The following TJP2 variants were observed in gnomAD, a reference collection of about 807,000 sequenced individuals.
TJP2 encodes Friedreich ataxia region gene X104 (tight junction protein ZO-2).
A neutral mutation model predicts 133.1 loss-of-function variants in TJP2; 91 were observed. The ratio of observed to expected loss-of-function variants is 0.68; its 90% CI spans 0.58 to 0.81. TJP2 has a LOEUF of 0.81. Among genes scored for constraint, TJP2 ranks in the 40% least tolerant of loss-of-function variants. TJP2 has a pLI of 0.00. For synonymous variants in TJP2, 592 were observed against 583.4 expected (o/e 1.01, Z -0.21); for missense variants, 1,541 against 1,565.6 (o/e 0.98, Z 0.26).
chr9:69,214,590 C>T (rs1275178471), intron 2 of TJP2, among the ~76,000 whole-genome samples: 1 of 152,046 alleles, frequency 6.6e-6, no homozygotes, highest in Non-Finnish European at 1.5e-5. Flanking sequence ...AGTTACGGGC[C>T]GGGCGCAGTA....
intron 1 of TJP2, chr9:69,145,555 C>T (rs896412403): frequency 1.4e-5 from 6 of 414,312 alleles, no homozygotes; most frequent in Non-Finnish European, 2.1e-5. Context: ...TGTGGTCTGC[C>T]CCCCCATCAC....
chr9:69,253,208 C>A (rs148159959), intron 22 of TJP2: 6 of 399,580 alleles, frequency 1.5e-5, no homozygotes, highest in Non-Finnish European at 2.8e-5. Flanking sequence ...AGAATTCCTA[C>A]GGCTTAGACC....
intron 1 of TJP2, among the ~76,000 whole-genome samples, chr9:69,143,490 C>A (rs887086344): frequency 1.3e-5 from 2 of 152,126 alleles, no homozygotes; most frequent in Non-Finnish European, 2.9e-5. Flanking sequence ...TGTATGGGAC[C>A]TTTACTCAGA....
intron 11 of TJP2, among the ~76,000 whole-genome samples, 200 bp from the exon 12 acceptor site, chr9:69,234,239 T>C (rs1296076049): frequency 6.6e-6 from 1 of 152,072 alleles, no homozygotes; most frequent in Non-Finnish European, 1.5e-5. Flanking sequence ...TGCAGGCCCA[T>C]AGCAAGGTGC....
intron 1 of TJP2, among the ~76,000 whole-genome samples, chr9:69,189,547 G>C (rs1255671397): frequency 2.0e-5 from 3 of 151,906 alleles, no homozygotes; most frequent in Non-Finnish European, 4.4e-5. Context: ...TTGAGCCCAG[G>C]AGTTGGAGGC....
At chr9:69,174,470 T>TCGTGAA in intron 1 of TJP2, 38 bp downstream of exon 1, 4 of 1,515,562 alleles carry the variant, frequency 2.6e-6, no homozygotes, top group Non-Finnish European at 3.6e-6. Flanking sequence ...GGGAGGAGGG[T>TCGTGAA]CGTGAGCGTG....
intron 1 of TJP2, among the ~76,000 whole-genome samples, chr9:69,138,808 T>C (rs1440576022): frequency 5.3e-5 from 8 of 152,092 alleles, no homozygotes; most frequent in Non-Finnish European, 1.0e-4. Flanking sequence ...TCCCAGCTAC[T>C]TGGGAGACTG....
intron 11 of TJP2, among the ~76,000 whole-genome samples, chr9:69,231,444 G>T (rs1012532816): frequency 3.3e-5 from 5 of 149,806 alleles, no homozygotes; most frequent in African/African-American, 1.2e-4. Context: ...CAAACTTGCA[G>T]TTCATATATA....
At chr9:69,224,252 A>G (rs1481272103) in intron 5 of TJP2, among the ~76,000 whole-genome samples, 1 of 152,190 alleles carries the variant, frequency 6.6e-6, no homozygotes, top group Non-Finnish European at 1.5e-5. Flanking sequence ...ATTCCTTTCA[A>G]TGCCAAGCTT....
At chr9:69,181,668 A>G (rs753015051) in intron 1 of TJP2, among the ~76,000 whole-genome samples, 3 of 151,962 alleles carry the variant, frequency 2.0e-5, no homozygotes, top group Non-Finnish European at 2.9e-5. Context: ...ATTCTAAATT[A>G]TTTCCATTGG....
intron 1 of TJP2, among the ~76,000 whole-genome samples, chr9:69,130,015 CAAAAAAAAAAAAAAAAAG>C: frequency 1.1e-5 from 1 of 94,176 alleles, no homozygotes; most frequent in Admixed American, 1.1e-4. Flanking sequence ...AACTCTGCCT[CAAAAAAAAAAAAAAAAAG>C]AAAAAGAAAA....
chr9:69,148,552 T>C lies in TJP2; in HGVS notation c.-130-3099T>C, dbSNP rs760679843. On this transcript the variant is annotated intron_variant, in intron 1 of 5. Transcript: ENST00000423935. The stretch of plus-strand genomic sequence containing the variant: ...TGCCTAGCTATTTTTGTATTCTCAG[T>C]AGAGATGCAGTTTTACCATGTTGGC... 2.0e-5 allele frequency among the ~76,000 whole-genome samples: 3 copies of C among 151,750 alleles called. 1 individual carries two copies. Among genetic ancestry groups the C allele is most frequent in the Non-Finnish European group, 4.4e-5 (3 of 67,966 alleles).
intron 22 of TJP2, 118 bp from the exon 23 acceptor site, chr9:69,254,091 C>A: frequency 8.3e-7 from 1 of 1,198,604 alleles, no homozygotes; most frequent in Non-Finnish European, 1.2e-6. Context: ...CAGAATGTGG[C>A]TCAGAGGTAA....
chr9:69,130,015 C>CAAAAAA (rs11355311), intron 1 of TJP2, among the ~76,000 whole-genome samples: 5 of 94,162 alleles, frequency 5.3e-5, no homozygotes, highest in Admixed American at 1.1e-4. Context: ...AACTCTGCCT[C>CAAAAAA]AAAAAAAAAA....
In TJP2 at chr9:69,179,765, C is replaced by G. The variant is rs111852722; in HGVS notation, c.60+5333C>G. ...CCACCCGCCTCGGCCTCCCAAAGTG[C>G]TGGGATTAGAGGTGTGAGCCACCGC... On this transcript the variant is annotated intron_variant, in intron 1 of 22. Transcript: ENST00000377245. 2.9e-3 allele frequency among the ~76,000 whole-genome samples: 434 copies of G among 152,260 alleles called. 5 individuals are homozygous for G. Among genetic ancestry groups the G allele is most frequent in the African/African-American group, 0.01 (426 of 41,548 alleles).
At chr9:69,154,261 C>A (rs1378397475) in intron 2 of TJP2, among the ~76,000 whole-genome samples, 1 of 152,108 alleles carries the variant, frequency 6.6e-6, no homozygotes, top group African/African-American at 2.4e-5. Flanking sequence ...AGGTGGCTGC[C>A]TGGAGTTAAG....
intron 1 of TJP2, among the ~76,000 whole-genome samples, chr9:69,194,404 A>G (rs1462108618): frequency 1.3e-5 from 2 of 152,232 alleles, no homozygotes; most frequent in Non-Finnish European, 2.9e-5. Flanking sequence ...AGGGGGAGCT[A>G]TATGCACACA....
At chr9:69,164,523 C>T (rs992759933) in intron 2 of TJP2, among the ~76,000 whole-genome samples, 2 of 152,102 alleles carry the variant, frequency 1.3e-5, no homozygotes, top group Non-Finnish European at 2.9e-5. Context: ...GACAATAGAA[C>T]GGCATTTGAA....
At chr9:69,175,077 TA>T (rs1824979379) in intron 1 of TJP2, among the ~76,000 whole-genome samples, 1 of 152,208 alleles carries the variant, frequency 6.6e-6, no homozygotes, top group Admixed American at 6.5e-5. Flanking sequence ...GTTTAAGTTA[TA>T]AATAATCAGG....
Sources: gnomAD v4.1 joint callset for allele counts (sites outside exome capture counted in the v4.1 genomes callset) on GRCh38, gnomAD v4.1.1 for gene constraint, MANE v1.5 for transcripts, NCBI Gene and HGNC (gene_info 2026-07-23, HGNC 2026-07-21) for gene names.